Variants in CCSER1 observed in about 807,000 individuals in gnomAD.
CCSER1 encodes coiled-coil serine rich protein 1.
A neutral mutation model predicts 82.0 loss-of-function variants in CCSER1; 41 were observed. That is an observed-to-expected ratio of 0.50 (90% CI 0.39 to 0.65). The LOEUF (loss-of-function observed/expected upper bound fraction) is 0.65. Among genes scored for constraint, CCSER1 ranks in the 30% least tolerant of loss-of-function variants. The pLI, the probability that CCSER1 is intolerant of heterozygous loss-of-function variation, is 0.00. For missense variants in CCSER1, 1,119 were observed against 1,064.2 expected, an observed-to-expected ratio of 1.05 and a Z score of -0.72; for synonymous variants, 414 against 383.9, an observed-to-expected ratio of 1.08 and a Z score of -0.92.
Position 91,142,187 on chromosome 4 carries a change from G to C in CCSER1, c.2217+56193G>C, listed in dbSNP as rs57040208. On this transcript the variant is annotated intron_variant, in intron 10 of 10. Transcript: ENST00000509176. ...TCATGGGGGCAATTTCCCCCATACT[G>C]TTCTTGTGGTAGTGAATAAGTGTCA... 3.3e-5 allele frequency among the ~76,000 whole-genome samples: 5 copies of C among 152,220 alleles called. No individual in the cohort carries two copies. The East Asian group carries it at 5.8e-4, about 18-fold the overall frequency.
chr4:91,022,490 A>G (rs1247513903), intron 9 of CCSER1, among the ~76,000 whole-genome samples: 1 of 152,152 alleles, frequency 6.6e-6, no homozygotes, highest in African/African-American at 2.4e-5. Flanking sequence ...GTGTCTTTAT[A>G]GCAGCATGAT....
intron 10 of CCSER1, among the ~76,000 whole-genome samples, chr4:91,544,931 C>T (rs951987254): frequency 1.3e-5 from 2 of 152,116 alleles, no homozygotes; most frequent in Non-Finnish European, 2.9e-5. Context: ...GCAGGCAGGC[C>T]TCCTTGAGAT....
chr4:90,883,324 C>G (rs562062879), intron 8 of CCSER1, among the ~76,000 whole-genome samples: 14 of 151,984 alleles, frequency 9.2e-5, no homozygotes, highest in African/African-American at 3.4e-4. Context: ...GCCCACAAAA[C>G]TTTGTTTTAT....
intron 9 of CCSER1, among the ~76,000 whole-genome samples, chr4:90,999,727 T>C (rs1737822223): frequency 6.6e-6 from 1 of 152,158 alleles, no homozygotes; most frequent in Non-Finnish European, 1.5e-5. Flanking sequence ...AGAAGCTCTG[T>C]AGTTTAATTA....
At chr4:90,666,134 T>G in intron 6 of CCSER1, among the ~76,000 whole-genome samples, 1 of 152,086 alleles carries the variant, frequency 6.6e-6, no homozygotes, top group Non-Finnish European at 1.5e-5. Context: ...CTCTGCCACA[T>G]CACTTCTGAC....
At chr4:90,598,317 G>A (rs187453393) in intron 5 of CCSER1, among the ~76,000 whole-genome samples, 82 of 151,808 alleles carry the variant, frequency 5.4e-4, no homozygotes, top group African/African-American at 1.8e-3. Context: ...TGTGCACAAC[G>A]TGCAGGTTTG....
intron 1 of CCSER1, among the ~76,000 whole-genome samples, chr4:90,283,176 T>C (rs1729180889): frequency 1.3e-5 from 2 of 152,124 alleles, no homozygotes; most frequent in South Asian, 4.1e-4. Context: ...TATTCATATT[T>C]CTAATAGAAA....
rs1554038055 is a variant in CCSER1, at chr4:90,893,792, T to TGGG, written c.2095-29574_2095-29572dup. Among the ~76,000 whole-genome samples, 18 of 145,436 alleles carry TGGG rather than the reference T, an allele frequency of 1.2e-4. 1 individual carries two copies. Among genetic ancestry groups the TGGG allele is most frequent in the African/African-American group, 1.6e-4 (6 of 36,468 alleles). On this transcript the variant is annotated intron_variant, in intron 8 of 10. Transcript: ENST00000509176. The stretch of plus-strand genomic sequence containing the variant: ...GTGTGTGTGCGTGTGTGTGTGTGTG[T>TGGG]GGGGGGTGAATTTTTATCTCTATTC...
intron 6 of CCSER1, among the ~76,000 whole-genome samples, chr4:90,632,560 A>T (rs906715654): frequency 4.6e-5 from 7 of 152,130 alleles, no homozygotes; most frequent in African/African-American, 9.7e-5. Context: ...TATCTGAATC[A>T]TCTTGGGTAG....
chr4:90,226,488 G>A (rs1396710054), intron 1 of CCSER1, among the ~76,000 whole-genome samples: 1 of 152,242 alleles, frequency 6.6e-6, no homozygotes, highest in Non-Finnish European at 1.5e-5. Context: ...GTTAAAATTA[G>A]ACAAGTGAAG....
At chr4:90,964,456 G>T (rs1212093002) in intron 9 of CCSER1, among the ~76,000 whole-genome samples, 1 of 152,014 alleles carries the variant, frequency 6.6e-6, no homozygotes, top group Admixed American at 6.6e-5. Flanking sequence ...GCCAGGCGTG[G>T]TGGCTCACAC....
intron 1 of CCSER1, among the ~76,000 whole-genome samples, chr4:90,174,526 T>C (rs1017925440): frequency 6.6e-6 from 1 of 151,950 alleles, no homozygotes; most frequent in African/African-American, 2.4e-5. Flanking sequence ...AATGCACAGA[T>C]GGAAACTCAG....
intron 4 of CCSER1, among the ~76,000 whole-genome samples, chr4:90,463,497 G>A (rs1397086070): frequency 2.0e-5 from 3 of 151,584 alleles, no homozygotes; most frequent in South Asian, 2.1e-4. Flanking sequence ...TGCACAGTTA[G>A]TGCAGAATTG....
chr4:91,339,171 T>C (rs1747528685), intron 10 of CCSER1, among the ~76,000 whole-genome samples: 1 of 152,188 alleles, frequency 6.6e-6, no homozygotes, highest in South Asian at 2.1e-4. Context: ...AAGTATATCT[T>C]TGCTTTAAGA....
chr4:90,955,100 C>T (rs981373798), intron 9 of CCSER1, among the ~76,000 whole-genome samples: 2 of 152,152 alleles, frequency 1.3e-5, no homozygotes, highest in Non-Finnish European at 2.9e-5. Flanking sequence ...CGAACGTGTT[C>T]GTGTTCTATG....
At chr4:90,348,224 T>C (rs1284111942) in intron 3 of CCSER1, among the ~76,000 whole-genome samples, 1 of 152,022 alleles carries the variant, frequency 6.6e-6, no homozygotes, top group Non-Finnish European at 1.5e-5. Context: ...ATGGTGCACG[T>C]TTACCTATGT....
chr4:90,391,452 A>G (rs1462391810), intron 3 of CCSER1, among the ~76,000 whole-genome samples: 8 of 67,392 alleles, frequency 1.2e-4, no homozygotes, highest in African/African-American at 9.4e-4. Context: ...GGGTATATAT[A>G]TATATATATA....
chr4:91,516,766 G>A (rs1441609314), intron 10 of CCSER1, among the ~76,000 whole-genome samples: 3 of 152,092 alleles, frequency 2.0e-5, no homozygotes, highest in African/African-American at 7.2e-5. Context: ...TTTGATAAGT[G>A]TAGCATTGAA....
At chr4:90,485,841 C>G (rs1225427393) in intron 5 of CCSER1, among the ~76,000 whole-genome samples, 1 of 152,038 alleles carries the variant, frequency 6.6e-6, no homozygotes, top group Non-Finnish European at 1.5e-5. Flanking sequence ...GGATAATTAT[C>G]TCCAGCTCCA....
Sources: gnomAD v4.1 joint callset for allele counts (sites outside exome capture counted in the v4.1 genomes callset) on GRCh38, gnomAD v4.1.1 for gene constraint, MANE v1.5 for transcripts, NCBI Gene and HGNC (gene_info 2026-07-23, HGNC 2026-07-21) for gene names.